CREG2: variants seen among roughly 807,000 people sequenced by gnomAD.
The protein encoded by CREG2 is protein CREG2.
CREG2 carries 24 observed loss-of-function variants against 26.2 expected under a neutral mutation model. That is an observed-to-expected ratio of 0.92 (90% CI 0.66 to 1.29). The LOEUF (loss-of-function observed/expected upper bound fraction) is 1.29, where lower values mean the gene tolerates loss of function less well. CREG2 is among the 50% of genes most tolerant of loss of function. CREG2 has a pLI of 0.00. For missense variants in CREG2, 366 were observed against 398.6 expected (o/e 0.92, Z 0.70); for synonymous variants, 174 against 169.2 (o/e 1.03, Z -0.22).
At chr2:101,355,597 C>A (rs1684445522) in intron 2 of CREG2, among the ~76,000 whole-genome samples, 1 of 151,716 alleles carries the variant, frequency 6.6e-6, no homozygotes, top group Non-Finnish European at 1.5e-5. Context: ...CATTCTGGGG[C>A]AGTGAGATAA....
rs1295610620 is a variant in CREG2, at chr2:101,347,634, T to C, written c.*3289A>G. ...TTTGCCATTTTTATATCCTCTGCAG[T>C]GAAATGTCTGTTCATGTGCTCCATT... On this transcript the variant is annotated 3_prime_UTR_variant, in exon 4 of 4. Coordinates refer to ENST00000324768, the MANE Select transcript of CREG2 (RefSeq NM_153836.4). 6.6e-6 allele frequency: 1 copy of C among 152,226 alleles called. No individual in the cohort carries two copies. The highest frequency in any genetic ancestry group is 2.4e-5 in the African/African-American group (1 of 41,466). The allele number at this position is 152,226 out of a possible 1,614,324, so 9.4% of individuals were successfully genotyped here.
chr2:101,365,399 T>C (rs1447350381), intron 2 of CREG2, among the ~76,000 whole-genome samples: 1 of 152,024 alleles, frequency 6.6e-6, no homozygotes, highest in Non-Finnish European at 1.5e-5. Context: ...GCGTCTCACC[T>C]CCACCACCCT....
intron 2 of CREG2, among the ~76,000 whole-genome samples, chr2:101,362,050 C>A (rs1573306078): frequency 6.6e-6 from 1 of 152,158 alleles, no homozygotes; most frequent in Non-Finnish European, 1.5e-5. Context: ...CTAAGCCAAC[C>A]AGCATATTCC....
intron 2 of CREG2, among the ~76,000 whole-genome samples, chr2:101,356,872 G>A (rs1684469825): frequency 6.6e-6 from 1 of 152,072 alleles, no homozygotes; most frequent in Non-Finnish European, 1.5e-5. Context: ...TGGCAGTGAC[G>A]ATGTGGGGAA....
chr2:101,386,698 T>C (rs964059356), intron 1 of CREG2, among the ~76,000 whole-genome samples: 2 of 152,060 alleles, frequency 1.3e-5, no homozygotes, highest in Non-Finnish European at 2.9e-5. Flanking sequence ...GTGGCTGCTC[T>C]GGTCTAGGTC....
chr2:101,380,322 C>T (rs990778323), intron 2 of CREG2, among the ~76,000 whole-genome samples: 7 of 152,316 alleles, frequency 4.6e-5, no homozygotes, highest in African/African-American at 1.7e-4. Flanking sequence ...GTGGAGATGG[C>T]GCTCACTAGC....
chr2:101,363,853 CA>C, intron 2 of CREG2, among the ~76,000 whole-genome samples: 1 of 84,050 alleles, frequency 1.2e-5, no homozygotes, highest in South Asian at 5.0e-4. Context: ...CTGTCTCAAA[CA>C]CACACACACA....
chr2:101,382,876 G>A (rs1000771074), intron 2 of CREG2: 10 of 985,512 alleles, frequency 1.0e-5, no homozygotes, highest in Non-Finnish European at 1.2e-5. Flanking sequence ...TGGGAAGGAC[G>A]AGGGGATCTC....
intron 2 of CREG2, among the ~76,000 whole-genome samples, chr2:101,375,186 C>T (rs928632738): frequency 5.9e-5 from 9 of 152,192 alleles, no homozygotes; most frequent in Non-Finnish European, 1.2e-4. Context: ...CTTCAATATG[C>T]GCCCCTACAA....
intron 3 of CREG2, among the ~76,000 whole-genome samples, chr2:101,352,816 G>A (rs1431251913): frequency 6.6e-6 from 1 of 152,014 alleles, no homozygotes; most frequent in African/African-American, 2.4e-5. Context: ...CAAAAAAGGT[G>A]GTGCCTGTGG....
chr2:101,378,535 A>G (rs1441550952), intron 2 of CREG2, among the ~76,000 whole-genome samples: 1 of 152,216 alleles, frequency 6.6e-6, no homozygotes, highest in Non-Finnish European at 1.5e-5. Context: ...GTAGAAATCT[A>G]TATATCAAAT....
At chr2:101,383,500 G>A in intron 2 of CREG2, 33 bp downstream of exon 2, 1 of 1,610,910 alleles carries the variant, frequency 6.2e-7, no homozygotes, top group Non-Finnish European at 8.5e-7. Context: ...AACTTCCCAG[G>A]ACCCGTGTGA....
Position 101,387,356 on chromosome 2 carries a change from G to T in CREG2, c.102C>A (p.Ile34=). 6.9e-7 allele frequency: 1 copy of T among 1,453,296 alleles called. No individual in the cohort carries two copies. The highest frequency in any genetic ancestry group is 9.2e-7 in the Non-Finnish European group (1 of 1,090,886). The allele number at this position is 1,453,296 out of a possible 1,614,324, so 90.0% of individuals were successfully genotyped here. Residue 34 remains isoleucine, a synonymous_variant, in exon 1 of 4, where the codon ATC becomes ATA. Transcript: ENST00000324768. The surrounding 1 kb of genome is among the most constrained non-coding windows in gnomAD (Gnocchi z 4.7). Reference sequence around the variant, plus strand: ...TGACGGCCCAAGACACGGAGCTCACGATCACGTAGCCCGCGGCCGGGGACA... The same window carrying T: ...TGACGGCCCAAGACACGGAGCTCACTATCACGTAGCCCGCGGCCGGGGACA... ...ALLSPAAGYV[I]VSSVSWAVTN...
Position 101,348,921 on chromosome 2 carries a change from A to G in CREG2, c.*2002T>C, listed in dbSNP as rs185377136. The G allele has an allele frequency of 2.0e-5, 3 of 152,480 alleles. No individual in the cohort carries two copies. Among genetic ancestry groups the G allele is most frequent in the Admixed American group, 1.3e-4 (2 of 15,286 alleles). 9.4% of individuals were successfully genotyped at this position (152,480 alleles called of 1,614,324 possible). ...CTTAAAACTGTGAATTTTCAACACT[A>G]TTCTTACCCAACCTTTTCAGGTTTC... On this transcript the variant is annotated 3_prime_UTR_variant, in exon 4 of 4. Coordinates refer to ENST00000324768, the MANE Select transcript of CREG2 (RefSeq NM_153836.4).
At chr2:101,367,466 C>T (rs924830724) in intron 2 of CREG2, among the ~76,000 whole-genome samples, 4 of 152,318 alleles carry the variant, frequency 2.6e-5, no homozygotes, top group Admixed American at 1.3e-4. Context: ...TAAGTGCAAT[C>T]ATGACACCTC....
chr2:101,370,306 C>A (rs1684685097), intron 2 of CREG2, among the ~76,000 whole-genome samples: 1 of 152,010 alleles, frequency 6.6e-6, no homozygotes, highest in Non-Finnish European at 1.5e-5. Context: ...ATCTTTTTTT[C>A]TGGTCTCTGC....
At chr2:101,378,078 C>T (rs1311666019) in intron 2 of CREG2, among the ~76,000 whole-genome samples, 1 of 152,202 alleles carries the variant, frequency 6.6e-6, no homozygotes, top group Non-Finnish European at 1.5e-5. Context: ...ACGTGTTTGT[C>T]TTCTAACTGA....
chr2:101,382,787 A>G, intron 2 of CREG2: 1 of 985,442 alleles, frequency 1.0e-6, no homozygotes, highest in Non-Finnish European at 1.2e-6. Context: ...CTAAAGCATC[A>G]CTACATTTAG....
At position 101,355,276 on chromosome 2, in the gene CREG2, A is replaced by C. The variant is rs1418237801; in HGVS notation, c.702T>G (p.Phe234Leu). The change falls in exon 3 of 4, where the codon TTT (phenylalanine) becomes TTG (leucine). Residue 234 changes from phenylalanine to leucine, a missense_variant. Phe to Leu is a conservative substitution (Grantham distance 22). Transcript: ENST00000324768. ...MIAVSPEEVE[F>L]AKQAMFSRHP... Reference sequence around the variant, plus strand: ...ACCTTGAAAACATGGCTTGCTTGGCAAATTCTACTTCTTCTGGAGACACTG... The same window carrying C: ...ACCTTGAAAACATGGCTTGCTTGGCCAATTCTACTTCTTCTGGAGACACTG... 21 of 1,613,242 alleles carry C rather than the reference A, an allele frequency of 1.3e-5. No individual in the cohort carries two copies. Among genetic ancestry groups the C allele is most frequent in the Non-Finnish European group, 1.6e-5 (19 of 1,179,300 alleles).
Sources: gnomAD v4.1 joint callset for allele counts (sites outside exome capture counted in the v4.1 genomes callset) on GRCh38, gnomAD v4.1.1 for gene constraint, Gnocchi (gnomAD v3.1) non-coding constraint, MANE v1.5 for transcripts, NCBI Gene and HGNC (gene_info 2026-07-23, HGNC 2026-07-21) for gene names.